Variants in RHEB observed in about 807,000 individuals in gnomAD.
The protein encoded by RHEB is Ras homolog, mTORC1 binding, also known as GTP-binding protein Rheb.
RHEB carries 2 observed loss-of-function variants against 28.8 expected under a neutral mutation model. The observed-to-expected ratio is 0.07, with a 90% confidence interval of 0.03 to 0.22. The LOEUF is 0.22. Among genes scored for constraint, RHEB ranks in the 10% least tolerant of loss-of-function variants. The pLI, the probability that RHEB is intolerant of heterozygous loss-of-function variation, is 1.00. For missense variants in RHEB, 76 were observed against 219.9 expected, an observed-to-expected ratio of 0.35 and a Z score of 4.14; for synonymous variants, 69 against 77.3, an observed-to-expected ratio of 0.89 and a Z score of 0.56.
intron 7 of RHEB, among the ~76,000 whole-genome samples, chr7:151,469,954 A>G (rs2150919796): frequency 6.6e-6 from 1 of 152,248 alleles, no homozygotes; most frequent in Middle Eastern, 3.4e-3. Flanking sequence ...ATAGGTGAAA[A>G]ATGCACTGGG....
chr7:151,511,036 A>G (rs1802977910), intron 1 of RHEB, among the ~76,000 whole-genome samples: 1 of 152,072 alleles, frequency 6.6e-6, no homozygotes, highest in Non-Finnish European at 1.5e-5. Flanking sequence ...CGAGATCGCG[A>G]CATTGCACTG....
chr7:151,469,676 T>C (rs1165946233), intron 7 of RHEB, among the ~76,000 whole-genome samples: 1 of 152,174 alleles, frequency 6.6e-6, no homozygotes, highest in Non-Finnish European at 1.5e-5. Context: ...AGGGCTATTT[T>C]AAACCGGAGG....
intron 1 of RHEB, among the ~76,000 whole-genome samples, chr7:151,501,669 T>C (rs1802773470): frequency 6.6e-6 from 1 of 152,252 alleles, no homozygotes; most frequent in Non-Finnish European, 1.5e-5. Flanking sequence ...GTTTTACTCA[T>C]AATTGCCCCA....
intron 6 of RHEB, 65 bp from the exon 7 acceptor site, chr7:151,470,717 G>C (rs1348108466): frequency 8.8e-6 from 10 of 1,139,120 alleles, no homozygotes; most frequent in African/African-American, 1.6e-5. Context: ...ATGTATAATT[G>C]ATTTATGAAA....
intron 2 of RHEB, among the ~76,000 whole-genome samples, chr7:151,487,871 T>C (rs1802509785): frequency 6.6e-6 from 1 of 152,342 alleles, no homozygotes; most frequent in African/African-American, 2.4e-5. Context: ...TACTAGTAAA[T>C]GCTACTAACC....
intron 1 of RHEB, among the ~76,000 whole-genome samples, chr7:151,518,270 C>A (rs1243986211): frequency 6.6e-6 from 1 of 152,162 alleles, no homozygotes; most frequent in East Asian, 1.9e-4. Flanking sequence ...AGTGGCTGAT[C>A]TTGGTCAAAG....
At chr7:151,478,986 G>A (rs573822777) in intron 3 of RHEB, among the ~76,000 whole-genome samples, 1 of 152,150 alleles carries the variant, frequency 6.6e-6, no homozygotes, top group South Asian at 2.1e-4. Flanking sequence ...CTGGAGTGCA[G>A]TGGCAGGAGC....
chr7:151,501,852 G>T, intron 1 of RHEB: 2 of 583,590 alleles, frequency 3.4e-6, no homozygotes, highest in Non-Finnish European at 3.3e-6. Context: ...CCAGAACTGG[G>T]CCCTTAGGGA....
chr7:151,489,955 T>C (rs1455609219), intron 2 of RHEB, among the ~76,000 whole-genome samples: 3 of 152,212 alleles, frequency 2.0e-5, no homozygotes, highest in Non-Finnish European at 4.4e-5. Flanking sequence ...GAAATATGCT[T>C]CGTGTCTAAT....
intron 2 of RHEB, among the ~76,000 whole-genome samples, chr7:151,486,135 C>G (rs1327785933): frequency 6.6e-6 from 1 of 152,204 alleles, no homozygotes; most frequent in Non-Finnish European, 1.5e-5. Flanking sequence ...AGGGTGCAGT[C>G]ACTACATAGC....
chr7:151,508,430 G>GT (rs976861222), intron 1 of RHEB, among the ~76,000 whole-genome samples: 1 of 152,186 alleles, frequency 6.6e-6, no homozygotes, highest in African/African-American at 2.4e-5. Context: ...TACATGGACA[G>GT]TAAGTACCTG....
chr7:151,481,704 T>C (rs914589133), intron 3 of RHEB, among the ~76,000 whole-genome samples: 1 of 152,220 alleles, frequency 6.6e-6, no homozygotes, highest in Non-Finnish European at 1.5e-5. Context: ...CTAGTTGCAA[T>C]GACTACAAAT....
chr7:151,469,852 T>C (rs767772618), intron 7 of RHEB, among the ~76,000 whole-genome samples: 6 of 152,128 alleles, frequency 3.9e-5, no homozygotes, highest in Non-Finnish European at 7.4e-5. Context: ...AAGGGTTCTA[T>C]AGAGAAGGGG....
intron 1 of RHEB, among the ~76,000 whole-genome samples, chr7:151,507,115 TG>T (rs1255345102): frequency 1.3e-5 from 2 of 152,176 alleles, no homozygotes; most frequent in African/African-American, 4.8e-5. Context: ...AAAGCAGACT[TG>T]GTTTGTAAAC....
At chr7:151,498,441 A>AC (rs1048784298) in intron 1 of RHEB, among the ~76,000 whole-genome samples, 14 of 151,168 alleles carry the variant, frequency 9.3e-5, no homozygotes, top group East Asian at 7.8e-4. Flanking sequence ...ACACAGTGAG[A>AC]CCCCCCCAGT....
intron 3 of RHEB, among the ~76,000 whole-genome samples, chr7:151,479,953 G>A (rs748704363): frequency 6.6e-6 from 1 of 152,042 alleles, no homozygotes; most frequent in Non-Finnish European, 1.5e-5. Flanking sequence ...TTCTAACATA[G>A]GAAAAATCAA....
chr7:151,503,299 A>G (rs1184150276), intron 1 of RHEB: 15 of 803,792 alleles, frequency 1.9e-5, no homozygotes, highest in Non-Finnish European at 2.3e-5. Flanking sequence ...TAACAACTAT[A>G]AAAAATTTGG....
intron 1 of RHEB, chr7:151,502,442 A>G: frequency 1.2e-6 from 1 of 821,812 alleles, no homozygotes; most frequent in East Asian, 2.4e-5. Context: ...ACTTTATAAC[A>G]AAGTACCTCC....
chr7:151,475,943 A>T (rs928845367), intron 4 of RHEB, among the ~76,000 whole-genome samples: 1 of 152,220 alleles, frequency 6.6e-6, no homozygotes, highest in African/African-American at 2.4e-5. Context: ...GACCAGAAAA[A>T]ACATATACCA....
Sources: allele counts gnomAD v4.1 joint callset (sites outside exome capture counted in the v4.1 genomes callset), GRCh38; gene constraint gnomAD v4.1.1; transcripts MANE v1.5; gene names NCBI Gene and HGNC (gene_info 2026-07-23, HGNC 2026-07-21).